The following CEP192 variants were observed in gnomAD, a reference collection of about 807,000 sequenced individuals.
The protein encoded by CEP192 is centrosomal protein of 192 kDa.
Under a neutral mutation model 271.8 loss-of-function variants are expected in CEP192, and 151 were observed. The ratio of observed to expected loss-of-function variants is 0.56; its 90% CI spans 0.49 to 0.64. CEP192 has a LOEUF of 0.64. Among genes scored for constraint, CEP192 ranks in the 30% least tolerant of loss-of-function variants. The pLI is 0.00. For synonymous variants in CEP192, 995 were observed against 1,076.5 expected, an observed-to-expected ratio of 0.92 and a Z score of 1.48; for missense variants, 2,910 against 3,020.5, an observed-to-expected ratio of 0.96 and a Z score of 0.86.
At chr18:13,093,275 A>C (rs1045331937) in intron 34 of CEP192, among the ~76,000 whole-genome samples, 2 of 152,228 alleles carry the variant, frequency 1.3e-5, no homozygotes, top group Non-Finnish European at 2.9e-5. Flanking sequence ...TCCACATGTT[A>C]TTGTTTGTTC....
At chr18:13,084,830 TTG>T (rs1491063946) in intron 30 of CEP192, among the ~76,000 whole-genome samples, 1 of 151,870 alleles carries the variant, frequency 6.6e-6, no homozygotes, top group Admixed American at 6.6e-5. Context: ...CTTTTTTTTT[TTG>T]AGACAGAGTC....
chr18:13,066,456 A>T (rs569176741), intron 21 of CEP192, among the ~76,000 whole-genome samples: 1 of 152,272 alleles, frequency 6.6e-6, no homozygotes, highest in South Asian at 2.1e-4. Context: ...AAAATTTTTA[A>T]TGTGAGCTCA....
intron 3 of CEP192, among the ~76,000 whole-genome samples, chr18:13,002,738 C>CT (rs2033730454): frequency 6.6e-6 from 1 of 152,088 alleles, no homozygotes; most frequent in Non-Finnish European, 1.5e-5. Flanking sequence ...GTCTGGAAGT[C>CT]TAAAAAACCA....
intron 42 of CEP192, among the ~76,000 whole-genome samples, chr18:13,116,072 G>C (rs2040414810): frequency 6.6e-6 from 1 of 152,196 alleles, no homozygotes; most frequent in African/African-American, 2.4e-5. Context: ...AGTCGGTACT[G>C]CAGCGTGACG....
rs988195841 is a variant in CEP192, at chr18:13,089,479, T to C, written c.6017T>C (p.Met2006Thr). ...YRRALLHKPE[M>T]IKQILPEHSV... The stretch of plus-strand genomic sequence containing the variant: ...AGGGCCCTGTTACATAAACCAGAGA[T>C]GATAAAACAGATACTTCCAGAACAT... Residue 2006 changes from methionine (M) to threonine (T), a missense_variant, in exon 33 of 45, where the codon ATG becomes ACG. Met to Thr is a moderately conservative substitution (Grantham distance 81). Coordinates refer to ENST00000506447, the MANE Select transcript of CEP192 (RefSeq NM_032142.4). 1.2e-6 allele frequency: 2 copies of C among 1,600,160 alleles called. No individual in the cohort carries two copies.
At chr18:13,014,148 C>T (rs2034513478) in intron 5 of CEP192, among the ~76,000 whole-genome samples, 1 of 152,184 alleles carries the variant, frequency 6.6e-6, no homozygotes, top group Non-Finnish European at 1.5e-5. Flanking sequence ...TATGCACTCA[C>T]CCTGTATGTG....
In CEP192 at chr18:13,056,057, C is replaced by T; in HGVS notation, c.3467C>T (p.Thr1156Ile). 1 of 1,614,142 alleles carries T rather than the reference C, an allele frequency of 6.2e-7. No individual in the cohort carries two copies. Residue 1156 changes from threonine (T) to isoleucine (I), a missense_variant, in exon 19 of 45, where the codon ACA becomes ATA. Physicochemically the swap from Thr to Ile is moderately conservative, Grantham distance 89. Transcript: ENST00000506447. ...TTGGAAACCAGTGAGGTAGGTTGGACATCAAACCCTGAGGAATTGGACCCG... is the reference window on the plus strand; with the variant it reads ...TTGGAAACCAGTGAGGTAGGTTGGATATCAAACCCTGAGGAATTGGACCCG... The part of the protein sequence containing the change: ...NLLETSEVGW[T>I]SNPEELDPIR...
intron 30 of CEP192, among the ~76,000 whole-genome samples, chr18:13,080,509 G>A (rs1380835411): frequency 2.0e-5 from 3 of 152,114 alleles, no homozygotes; most frequent in South Asian, 4.1e-4. Flanking sequence ...CTTTGCTGAA[G>A]TTGCTTATCA....
chr18:13,064,646 G>T (rs1247241152), intron 21 of CEP192, among the ~76,000 whole-genome samples: 1 of 151,494 alleles, frequency 6.6e-6, no homozygotes, highest in Admixed American at 6.6e-5. Context: ...GACTGTAGGT[G>T]TGTGGATTTG....
chr18:13,106,865 A>C (rs1568428792), intron 40 of CEP192, among the ~76,000 whole-genome samples: 1 of 152,248 alleles, frequency 6.6e-6, no homozygotes, highest in African/African-American at 2.4e-5. Context: ...CGTTGCTTAA[A>C]TATGACAAGA....
In CEP192 at chr18:13,087,060, A is replaced by G; in HGVS notation, c.5660A>G (p.Glu1887Gly). ...GGAGGAACAAGCAATCTTATTTTGG[A>G]AGGCGTTAAAAAATTATCTGACAGT... Reference protein sequence around the residue: ...GYGGTSNLILEGVKKLSDSYM... With the variant: ...GYGGTSNLILGGVKKLSDSYM... The change falls in exon 31 of 45, where the codon GAA becomes GGA. Residue 1887 changes from glutamate to glycine, a missense_variant. Coordinates refer to ENST00000506447, the MANE Select transcript of CEP192 (RefSeq NM_032142.4). 1.2e-6 allele frequency: 2 copies of G among 1,612,828 alleles called. No individual in the cohort carries two copies. The highest frequency in any genetic ancestry group is 1.7e-6 in the Non-Finnish European group (2 of 1,178,902).
At position 13,055,905 on chromosome 18, in the gene CEP192, A is replaced by G; in HGVS notation, c.3315A>G (p.Ser1105=). Residue 1105 remains serine, a synonymous_variant, in exon 19 of 45, where the codon TCA becomes TCG. Transcript: ENST00000506447. The stretch of plus-strand genomic sequence containing the variant: ...AGAATAGAGGAAAAGGAACATTATC[A>G]TCTATTATCCAGAATAACTCTGATA... ...PFQNRGKGTL[S]SIIQNNSDTR... is the part of the protein sequence containing the mutation. The G allele has an allele frequency of 6.2e-7, 1 of 1,613,998 alleles. No homozygotes were observed. The highest frequency in any genetic ancestry group is 8.5e-7 in the Non-Finnish European group (1 of 1,179,882).
chr18:13,103,544 G>C lies in CEP192; in HGVS notation c.6907G>C (p.Asp2303His), dbSNP rs1490115308. The C allele has an allele frequency of 2.5e-6, 4 of 1,614,000 alleles. No homozygotes were observed. The highest frequency in any genetic ancestry group is 3.4e-6 in the Non-Finnish European group (4 of 1,179,946). Residue 2303 changes from aspartate to histidine, a missense_variant, in exon 39 of 45, where the codon GAC (aspartate) becomes CAC (histidine). Coordinates refer to ENST00000506447, the MANE Select transcript of CEP192 (RefSeq NM_032142.4). ...CLELENHGTT[D>H]VKWHLSSLAP... is the part of the protein sequence containing the mutation. ...AGAACTCGAGAATCATGGCACCACA[G>C]ACGTGAAATGGCATCTGTCATCTTT... is the stretch of plus-strand genomic sequence containing the variant.
At chr18:13,015,543 T>G in intron 6 of CEP192, 95 bp downstream of exon 6, 2 of 1,236,642 alleles carry the variant, frequency 1.6e-6, no homozygotes, top group Non-Finnish European at 2.3e-6. Flanking sequence ...CTTTTTGGGT[T>G]TTTTGTCCTT....
rs1480117314 is a variant in CEP192 at position 13,008,496 on chromosome 18, T to C, written c.331T>C (p.Leu111=). The C allele has an allele frequency of 6.4e-7, 1 of 1,551,092 alleles. No individual in the cohort carries two copies. Among genetic ancestry groups the C allele is most frequent in the Admixed American group, 2.0e-5 (1 of 50,860 alleles). ...RKKSYVESQR[L]SNALSKQSAL... is the part of the protein sequence containing the mutation. ...AAAGAGCTATGTGGAAAGTCAACGT[T>C]TGTCAAATGCTCTCAGCAAACAGTC... The change falls in exon 4 of 45, where the codon TTG becomes CTG. Residue 111 remains leucine (L), a synonymous_variant. Transcript: ENST00000506447.
At position 13,124,873 on chromosome 18, in the gene CEP192, G is replaced by T; in HGVS notation, c.*103G>T. On this transcript the variant is annotated 3_prime_UTR_variant, in exon 45 of 45. Transcript: ENST00000506447. ...TTTTGTATATATATTTTGTATGATG[G>T]ATATCTATAATTGTAGATTTTGTTT... is the stretch of plus-strand genomic sequence containing the variant. 1 of 932,066 alleles carries T rather than the reference G, an allele frequency of 1.1e-6. No homozygotes were observed. Among genetic ancestry groups the T allele is most frequent in the Non-Finnish European group, 1.6e-6 (1 of 636,678 alleles). 57.7% of individuals were successfully genotyped at this position (932,066 alleles called of 1,614,324 possible).
At chr18:13,001,380 C>A in intron 2 of CEP192, 77 bp from the exon 3 acceptor site, 1 of 1,015,642 alleles carries the variant, frequency 9.8e-7, no homozygotes, top group Non-Finnish European at 1.4e-6. Context: ...TTTACTGTCA[C>A]GCAGCCCTAT....
chr18:13,085,697 T>C (rs917366115), intron 30 of CEP192, among the ~76,000 whole-genome samples: 1 of 152,188 alleles, frequency 6.6e-6, no homozygotes, highest in South Asian at 2.1e-4. Context: ...AAAGATCAGA[T>C]GGTTGTAGAT....
intron 11 of CEP192, among the ~76,000 whole-genome samples, chr18:13,031,278 C>G (rs12971069): frequency 7.4e-6 from 1 of 135,324 alleles, no homozygotes; most frequent in Non-Finnish European, 1.5e-5. Flanking sequence ...GACAGAGTCT[C>G]GCTCTGTCGC....
Sources: allele counts gnomAD v4.1 joint callset (sites outside exome capture counted in the v4.1 genomes callset), GRCh38; gene constraint gnomAD v4.1.1; transcripts MANE v1.5; gene names NCBI Gene and HGNC (gene_info 2026-07-23, HGNC 2026-07-21).